RFX3: variants seen among roughly 807,000 people sequenced by gnomAD.
The protein encoded by RFX3 is regulatory factor X3, also known as transcription factor RFX3.
Under a neutral mutation model 98.6 loss-of-function variants are expected in RFX3, and 14 were observed. That is an observed-to-expected ratio of 0.14 (90% CI 0.09 to 0.22). RFX3 has a LOEUF of 0.22. RFX3 is among the 10% of genes least tolerant of loss of function. The probability of loss-of-function intolerance (pLI) is 1.00; values close to 1 mark genes in which losing one functional copy is unlikely to be tolerated. For synonymous variants in RFX3, 383 were observed against 328.4 expected, an observed-to-expected ratio of 1.17 and a Z score of -1.80; for missense variants, 639 against 926.9, an observed-to-expected ratio of 0.69 and a Z score of 4.03.
At chr9:3,412,666 T>C (rs1256632775) in intron 1 of RFX3, among the ~76,000 whole-genome samples, 2 of 152,094 alleles carry the variant, frequency 1.3e-5, no homozygotes, top group Non-Finnish European at 2.9e-5. Flanking sequence ...GTAAAAGCTA[T>C]CACCTGGCTT....
chr9:3,398,339 CAA>C (rs35349999), intron 1 of RFX3, among the ~76,000 whole-genome samples: 4,243 of 140,428 alleles, frequency 0.03, 198 homozygotes, highest in African/African-American at 0.097. Flanking sequence ...AGACAGGAAA[CAA>C]AAAAAAAAAA....
intron 7 of RFX3, among the ~76,000 whole-genome samples, chr9:3,287,253 T>C (rs1467673881): frequency 6.6e-6 from 1 of 151,964 alleles, no homozygotes; most frequent in Non-Finnish European, 1.5e-5. Flanking sequence ...CCAAGGCAAC[T>C]AATCACTACA....
intron 16 of RFX3, among the ~76,000 whole-genome samples, chr9:3,227,460 G>A (rs934150663): frequency 2.0e-5 from 3 of 152,172 alleles, no homozygotes; most frequent in Non-Finnish European, 2.9e-5. Context: ...ATAAAAACTC[G>A]AAGACACTTT....
At chr9:3,463,743 G>A (rs999714465) in intron 1 of RFX3, among the ~76,000 whole-genome samples, 2 of 152,140 alleles carry the variant, frequency 1.3e-5, no homozygotes, top group African/African-American at 4.8e-5. Context: ...GGCCATGGCA[G>A]GAGGATCGTT....
intron 1 of RFX3, among the ~76,000 whole-genome samples, chr9:3,483,630 A>C (rs551558460): frequency 6.6e-6 from 1 of 152,286 alleles, no homozygotes; most frequent in African/African-American, 2.4e-5. Context: ...AAGCACAATA[A>C]TTCACATTGA....
chr9:3,521,238 A>T (rs1265505725), intron 1 of RFX3, among the ~76,000 whole-genome samples: 2 of 152,190 alleles, frequency 1.3e-5, no homozygotes, highest in Non-Finnish European at 2.9e-5. Flanking sequence ...ATATCTACAT[A>T]AGATAATCAA....
At chr9:3,239,027 A>G (rs935920090) in intron 15 of RFX3, among the ~76,000 whole-genome samples, 3 of 152,066 alleles carry the variant, frequency 2.0e-5, no homozygotes, top group African/African-American at 7.2e-5. Context: ...GAGATAATAA[A>G]ACTGATTCAA....
intron 1 of RFX3, among the ~76,000 whole-genome samples, chr9:3,451,560 G>T (rs1318423679): frequency 6.6e-6 from 1 of 152,026 alleles, no homozygotes; most frequent in Non-Finnish European, 1.5e-5. Flanking sequence ...AATAAGTTTT[G>T]ACTGAAAAAA....
chr9:3,342,670 TA>T (rs905558232), intron 3 of RFX3, among the ~76,000 whole-genome samples: 36 of 151,814 alleles, frequency 2.4e-4, no homozygotes, highest in African/African-American at 8.2e-4. Context: ...CATTTTATTT[TA>T]AAAAAAAACT....
intron 14 of RFX3, among the ~76,000 whole-genome samples, chr9:3,256,259 C>G (rs899242689): frequency 6.6e-6 from 1 of 151,978 alleles, no homozygotes; most frequent in Admixed American, 6.6e-5. Context: ...CGTAAGCCAC[C>G]GTGCCCAGCC....
chr9:3,262,366 T>C (rs1823022270), intron 13 of RFX3, among the ~76,000 whole-genome samples: 1 of 152,200 alleles, frequency 6.6e-6, no homozygotes, highest in Non-Finnish European at 1.5e-5. Flanking sequence ...ATTTTTTCAT[T>C]TGAACTACCA....
intron 1 of RFX3, among the ~76,000 whole-genome samples, chr9:3,481,239 T>C (rs1229003407): frequency 6.6e-6 from 1 of 152,136 alleles, no homozygotes; most frequent in Non-Finnish European, 1.5e-5. Flanking sequence ...GAAAAATCCA[T>C]TCTTAGCATC....
intron 1 of RFX3, among the ~76,000 whole-genome samples, chr9:3,511,242 T>A (rs912493142): frequency 6.6e-6 from 1 of 151,988 alleles, no homozygotes; most frequent in Non-Finnish European, 1.5e-5. Flanking sequence ...AAGATTTAGG[T>A]ATAAATTTTG....
At chr9:3,517,566 G>T (rs1818299785) in intron 1 of RFX3, among the ~76,000 whole-genome samples, 1 of 152,134 alleles carries the variant, frequency 6.6e-6, no homozygotes, top group Non-Finnish European at 1.5e-5. Flanking sequence ...TAAAGCAAAG[G>T]CAAGCAGTAC....
intron 1 of RFX3, among the ~76,000 whole-genome samples, chr9:3,400,774 T>G (rs531700505): frequency 6.6e-6 from 1 of 152,330 alleles, no homozygotes; most frequent in South Asian, 2.1e-4. Flanking sequence ...ACTAAGTGCT[T>G]TAAATACATT....
At chr9:3,472,333 C>A (rs146676445) in intron 1 of RFX3, among the ~76,000 whole-genome samples, 2,887 of 152,128 alleles carry the variant, frequency 0.019, 93 homozygotes, top group African/African-American at 0.065. Flanking sequence ...TGACCTTGGG[C>A]AAGTCACTTT....
At chr9:3,513,774 C>G (rs911265637) in intron 1 of RFX3, among the ~76,000 whole-genome samples, 2 of 152,134 alleles carry the variant, frequency 1.3e-5, no homozygotes, top group African/African-American at 4.8e-5. Context: ...TCAAGCAAAC[C>G]TAACCCAATC....
intron 1 of RFX3, among the ~76,000 whole-genome samples, chr9:3,524,066 A>T (rs1194642315): frequency 4.8e-5 from 7 of 146,030 alleles, no homozygotes; most frequent in Non-Finnish European, 1.0e-4. Context: ...AGTTAAATCA[A>T]TATATGTTTG....
At chr9:3,352,239 T>C (rs1375891987) in intron 2 of RFX3, among the ~76,000 whole-genome samples, 1 of 151,938 alleles carries the variant, frequency 6.6e-6, no homozygotes, top group Non-Finnish European at 1.5e-5. Flanking sequence ...ATAAACAAAA[T>C]GTGTGTATGT....
Sources: gnomAD v4.1 joint callset for allele counts (sites outside exome capture counted in the v4.1 genomes callset) on GRCh38, gnomAD v4.1.1 for gene constraint, MANE v1.5 for transcripts, NCBI Gene and HGNC (gene_info 2026-07-23, HGNC 2026-07-21) for gene names.